Variants in ULK4 observed in about 807,000 individuals in gnomAD.
The protein encoded by ULK4 is inactive serine/threonine-protein kinase ULK4.
ULK4 carries 133 observed loss-of-function variants against 160.6 expected under a neutral mutation model. That is an observed-to-expected ratio of 0.83 (90% CI 0.72 to 0.96). ULK4 has a LOEUF of 0.96. Ranked by LOEUF, ULK4 falls within the 40% of genes least tolerant of loss-of-function variation. ULK4 has a pLI of 0.00. For missense variants in ULK4, 1,580 were observed against 1,499.5 expected (o/e 1.05, Z -0.89); for synonymous variants, 534 against 539.8 (o/e 0.99, Z 0.15).
At chr3:41,826,811 A>C (rs1281009876) in intron 18 of ULK4, among the ~76,000 whole-genome samples, 1 of 144,808 alleles carries the variant, frequency 6.9e-6, no homozygotes, top group Non-Finnish European at 1.5e-5. Context: ...AAGCGGACCT[A>C]ATAGACATCT....
At chr3:41,447,266 A>G (rs1427741601) in intron 34 of ULK4, among the ~76,000 whole-genome samples, 1 of 152,024 alleles carries the variant, frequency 6.6e-6, no homozygotes. Flanking sequence ...CTTTCAGTGA[A>G]ATGTATTCAT....
chr3:41,789,918 T>A, intron 20 of ULK4, 75 bp from the exon 21 acceptor site: 1 of 1,328,702 alleles, frequency 7.5e-7, no homozygotes, highest in Non-Finnish European at 1.0e-6. Flanking sequence ...TAACACATGC[T>A]TCTGTGTCAA....
chr3:41,702,949 G>A (rs1474125334), intron 27 of ULK4, among the ~76,000 whole-genome samples: 1 of 151,104 alleles, frequency 6.6e-6, no homozygotes, highest in Non-Finnish European at 1.5e-5. Flanking sequence ...CGCCTCCCAG[G>A]TTCAAGCGAC....
chr3:41,474,833 A>AAG (rs386396444), intron 32 of ULK4, among the ~76,000 whole-genome samples: 1 of 151,342 alleles, frequency 6.6e-6, no homozygotes, highest in Admixed American at 6.6e-5. Context: ...AAAAAAAAAA[A>AAG]AGAAAACAAA....
chr3:41,331,692 T>A lies in ULK4; in HGVS notation c.3678+66387A>T, dbSNP rs111808335. 2.7e-3 allele frequency among the ~76,000 whole-genome samples: 416 copies of A among 152,352 alleles called. 2 individuals are homozygous for A. The highest frequency in any genetic ancestry group is 4.7e-3 in the Non-Finnish European group (319 of 68,026). On this transcript the variant is annotated intron_variant, in intron 35 of 36. Coordinates refer to ENST00000301831, the MANE Select transcript of ULK4 (RefSeq NM_017886.4). ...CCTCTTCCCTCACCACTCACCATCA[T>A]CTTTGCCAAATTCACAGAATCTCTA...
chr3:41,291,411 A>G (rs1312005288), intron 35 of ULK4, among the ~76,000 whole-genome samples: 3 of 125,014 alleles, frequency 2.4e-5, no homozygotes, highest in Non-Finnish European at 3.4e-5. Context: ...AAGAATAACG[A>G]AAGAAGGAAG....
chr3:41,681,592 T>G lies in ULK4; in HGVS notation c.2894A>C (p.Gln965Pro), dbSNP rs1222747738. 1.9e-6 allele frequency: 3 copies of G among 1,613,878 alleles called. No homozygotes were observed. In the Admixed American group the frequency reaches 5.0e-5, roughly 27 times the overall value. The change falls in exon 29 of 37, where the codon CAG becomes CCG. Residue 965 changes from glutamine (Q) to proline (P), a missense_variant. Gln to Pro is a moderately conservative substitution (Grantham distance 76, BLOSUM62 -1). Coordinates refer to ENST00000301831, the MANE Select transcript of ULK4 (RefSeq NM_017886.4). ...CTTCTCCTTGCCATCCCCAAACTCC[T>G]GGTTCACGAGTAGAGATGTGGTTTC... Reference protein sequence around the residue: ...LSETTSLLVNQEFGDGKEKAS... With the variant: ...LSETTSLLVNPEFGDGKEKAS...
At chr3:41,299,201 G>A (rs548587465) in intron 35 of ULK4, among the ~76,000 whole-genome samples, 2 of 152,232 alleles carry the variant, frequency 1.3e-5, no homozygotes, top group African/African-American at 4.8e-5. Flanking sequence ...AACAAGCCTG[G>A]GCTATCCTGC....
At chr3:41,349,034 T>C (rs1300618975) in intron 35 of ULK4, among the ~76,000 whole-genome samples, 1 of 152,188 alleles carries the variant, frequency 6.6e-6, no homozygotes, top group Non-Finnish European at 1.5e-5. Flanking sequence ...TCTGAGACAC[T>C]GGTCCAAACA....
chr3:41,707,649 T>C (rs576126703), intron 25 of ULK4, among the ~76,000 whole-genome samples: 30 of 151,954 alleles, frequency 2.0e-4, no homozygotes, highest in Admixed American at 4.6e-4. Context: ...TTGGGCAACA[T>C]AGCAAGACTG....
intron 35 of ULK4, among the ~76,000 whole-genome samples, chr3:41,270,622 C>G (rs1242872866): frequency 1.3e-5 from 2 of 152,152 alleles, no homozygotes; most frequent in Non-Finnish European, 2.9e-5. Context: ...TAAGAGCTAA[C>G]AAGTATTGAG....
chr3:41,254,151 T>C (rs2078789391), intron 35 of ULK4, among the ~76,000 whole-genome samples: 1 of 152,224 alleles, frequency 6.6e-6, no homozygotes, highest in South Asian at 2.1e-4. Context: ...ATGAATCCTA[T>C]TGACATTTGT....
At chr3:41,255,470 C>T (rs2078817486) in intron 35 of ULK4, among the ~76,000 whole-genome samples, 2 of 151,856 alleles carry the variant, frequency 1.3e-5, no homozygotes, top group Non-Finnish European at 2.9e-5. Context: ...GCAACAAGAG[C>T]GAAACTCCAT....
intron 30 of ULK4, among the ~76,000 whole-genome samples, chr3:41,650,016 T>G (rs1026474618): frequency 2.6e-5 from 4 of 152,026 alleles, no homozygotes; most frequent in Non-Finnish European, 4.4e-5. Context: ...GCTACCCACT[T>G]TGGGTATACT....
In ULK4 at chr3:41,942,709, C is replaced by T. The variant is rs1699996447; in HGVS notation, c.139-4512G>A. On this transcript the variant is annotated intron_variant, in intron 2 of 36. Transcript: ENST00000301831. The stretch of plus-strand genomic sequence containing the variant: ...GCGCATGCCTGTAACCCCAGCTACT[C>T]AGGAGGCTGAGGCAGGAGAATCGCT... Among the ~76,000 whole-genome samples, 3 of 151,910 alleles carry T rather than the reference C, an allele frequency of 2.0e-5. No individual in the cohort carries two copies. The South Asian group carries it at 6.2e-4, about 32-fold the overall frequency.
intron 17 of ULK4, among the ~76,000 whole-genome samples, chr3:41,849,554 T>C (rs2042157267): frequency 6.6e-6 from 1 of 152,240 alleles, no homozygotes; most frequent in African/African-American, 2.4e-5. Context: ...CTCTGTATTA[T>C]ACTATAATGG....
intron 2 of ULK4, among the ~76,000 whole-genome samples, chr3:41,953,302 ATATTTTT>A (rs1410679732): frequency 1.9e-5 from 2 of 108,032 alleles, no homozygotes; most frequent in African/African-American, 8.1e-5. Context: ...ATATATATAT[ATATTTTT>A]TTTTTTTTTT....
At chr3:41,852,729 T>C (rs1356468274) in intron 17 of ULK4, among the ~76,000 whole-genome samples, 5 of 152,086 alleles carry the variant, frequency 3.3e-5, no homozygotes, top group African/African-American at 1.2e-4. Flanking sequence ...TGTGCTAAAC[T>C]CTTGGTGACC....
intron 31 of ULK4, among the ~76,000 whole-genome samples, chr3:41,590,298 G>A (rs755616052): frequency 5.3e-4 from 79 of 149,544 alleles, no homozygotes; most frequent in African/African-American, 1.7e-3. Flanking sequence ...CACCGCGCCC[G>A]GCCCCCAAAT....
Sources: gnomAD v4.1 joint callset for allele counts (sites outside exome capture counted in the v4.1 genomes callset) on GRCh38, gnomAD v4.1.1 for gene constraint, MANE v1.5 for transcripts, NCBI Gene and HGNC (gene_info 2026-07-23, HGNC 2026-07-21) for gene names.